The following CCDC112 variants were observed in gnomAD, a reference collection of about 807,000 sequenced individuals.
CCDC112 encodes coiled-coil domain containing 112.
In CCDC112, 40 loss-of-function variants were observed where a neutral mutation model predicts 66.3. That is an observed-to-expected ratio of 0.60 (90% CI 0.47 to 0.79). The LOEUF (loss-of-function observed/expected upper bound fraction) is 0.79. CCDC112 is among the 30% of genes least tolerant of loss of function. The pLI is 0.00. For missense variants in CCDC112, 659 were observed against 603.8 expected (o/e 1.09, Z -0.96); for synonymous variants, 214 against 197.2 (o/e 1.09, Z -0.71).
Position 115,279,754 on chromosome 5 carries a change from T to C in CCDC112, c.254A>G (p.Glu85Gly). ...EKFKNQVINM[E>G]KDKHSHFYNQ... is the part of the protein sequence containing the mutation. ...GTAGAAATGACTGTGTTTATCTTTT[T>C]CCATGTTAATTACTCTTTAGGAAAA... Residue 85 changes from glutamate to glycine, a missense_variant, in exon 3 of 10, where the codon GAA becomes GGA. Transcript: ENST00000379611. The C allele has an allele frequency of 6.7e-7, 1 of 1,498,616 alleles. No individual in the cohort carries two copies. The highest frequency in any genetic ancestry group is 9.3e-7 in the Non-Finnish European group (1 of 1,077,680). 92.8% of individuals were successfully genotyped at this position (1,498,616 alleles called of 1,614,324 possible). A position where few individuals can be genotyped will look rare whatever the true frequency, so the allele number is the denominator to read the frequency against.
chr5:115,272,766 G>A (rs1749060263), intron 6 of CCDC112, among the ~76,000 whole-genome samples: 1 of 151,870 alleles, frequency 6.6e-6, no homozygotes, highest in Admixed American at 6.6e-5. Flanking sequence ...AAATCTTTAT[G>A]GTATGTATAT....
At chr5:115,288,993 CTTT>C (rs34023512) in intron 1 of CCDC112, 260 of 250,372 alleles carry the variant, frequency 1.0e-3, no homozygotes, top group East Asian at 1.9e-3. Context: ...GATTGGCTTC[CTTT>C]TTTTTTTTTT....
At position 115,276,000 on chromosome 5, in the gene CCDC112, C is replaced by G; in HGVS notation, c.521G>C (p.Arg174Thr). The change falls in exon 5 of 10, where the codon AGG becomes ACG. Residue 174 changes from arginine to threonine, a missense_variant. Coordinates refer to ENST00000379611, the MANE Select transcript of CCDC112 (RefSeq NM_001040440.3). ...AAATGAGTTTAAAACATACATCAAC[C>G]TCTGCTCTTCTTTAAAAGTGTTAAT... ...NAINTFKEEQ[R>T]LIYEELIKEE... The G allele has an allele frequency of 6.3e-7, 1 of 1,592,394 alleles. No homozygotes were observed. Among genetic ancestry groups the G allele is most frequent in the South Asian group, 1.1e-5 (1 of 88,440 alleles).
intron 1 of CCDC112, among the ~76,000 whole-genome samples, chr5:115,288,201 G>A (rs367909206): frequency 7.6e-4 from 115 of 152,206 alleles, no homozygotes; most frequent in African/African-American, 2.6e-3. Flanking sequence ...GGCTGGTCTC[G>A]AACTCCTGAC....
At chr5:115,279,401 A>G (rs935385595) in intron 3 of CCDC112, among the ~76,000 whole-genome samples, 1 of 152,140 alleles carries the variant, frequency 6.6e-6, no homozygotes, top group Admixed American at 6.5e-5. Flanking sequence ...CTTTCTTGTT[A>G]TATTGGAAAA....
intron 6 of CCDC112, 147 bp downstream of exon 6, chr5:115,275,069 G>A: frequency 1.5e-6 from 1 of 666,956 alleles, no homozygotes; most frequent in South Asian, 2.3e-5. Context: ...CAATGCCTCA[G>A]TTTCATCTTC....
chr5:115,269,519 G>A, intron 8 of CCDC112, 184 bp downstream of exon 8: 2 of 535,602 alleles, frequency 3.7e-6, no homozygotes, highest in Non-Finnish European at 3.3e-6. Flanking sequence ...TAAAATGACA[G>A]AATTCAAATA....
intron 1 of CCDC112, among the ~76,000 whole-genome samples, chr5:115,285,648 A>G (rs1010934060): frequency 2.0e-5 from 3 of 152,146 alleles, no homozygotes; most frequent in African/African-American, 7.2e-5. Flanking sequence ...GATCATACAG[A>G]TATTTTAGGT....
Position 115,284,875 on chromosome 5 carries a change from G to A in CCDC112, c.151C>T (p.Arg51Cys), listed in dbSNP as rs779797634. Residue 51 changes from arginine to cysteine, a missense_variant, in exon 2 of 10, where the codon CGT (arginine) becomes TGT (cysteine). Coordinates refer to ENST00000379611, the MANE Select transcript of CCDC112 (RefSeq NM_001040440.3). ...DGCFSTSGGI[R>C]PFHLQNWKQK... ...TTCCAGTTCTGAAGATGAAAAGGAC[G>A]AATTCCACCTGAAGTACTAAAACAG... The A allele has an allele frequency of 2.0e-5, 33 of 1,612,324 alleles. No homozygotes were observed. The highest frequency in any genetic ancestry group is 1.1e-4 in the South Asian group (10 of 90,936).
chr5:115,296,220 T>G (rs1289865006), intron 1 of CCDC112: 17 of 1,280,356 alleles, frequency 1.3e-5, no homozygotes, highest in Non-Finnish European at 1.6e-5. Flanking sequence ...ACCCAGGTCT[T>G]CCTCGACTCC....
At chr5:115,270,222 A>G (rs1435225392) in intron 7 of CCDC112, among the ~76,000 whole-genome samples, 1 of 152,096 alleles carries the variant, frequency 6.6e-6, no homozygotes, top group Non-Finnish European at 1.5e-5. Flanking sequence ...AGATTTTTAT[A>G]TATGAACTAA....
chr5:115,287,612 C>A (rs552108782), intron 1 of CCDC112, among the ~76,000 whole-genome samples: 17 of 152,066 alleles, frequency 1.1e-4, no homozygotes, highest in Middle Eastern at 3.4e-3. Context: ...TCCAGTCAAC[C>A]TGAGCCCGAG....
chr5:115,296,149 G>T, intron 1 of CCDC112: 1 of 1,176,724 alleles, frequency 8.5e-7, no homozygotes, highest in Non-Finnish European at 1.1e-6. Flanking sequence ...AGAGAAGAAA[G>T]TGAGTCGCCG....
At chr5:115,270,073 A>G (rs1240960729) in intron 7 of CCDC112, among the ~76,000 whole-genome samples, 1 of 152,068 alleles carries the variant, frequency 6.6e-6, no homozygotes. Flanking sequence ...ATTTTCATTC[A>G]TCAATGCAGG....
Position 115,275,981 on chromosome 5 carries a change from G to A in CCDC112, c.527+13C>T. Reference sequence around the variant, plus strand: ...GGTCAATAATTTTATATTAAAATGAGTTTAAAACATACATCAACCTCTGCT... The same window carrying A: ...GGTCAATAATTTTATATTAAAATGAATTTAAAACATACATCAACCTCTGCT... On this transcript the variant is annotated intron_variant, in intron 5 of 9. Coordinates refer to ENST00000379611, the MANE Select transcript of CCDC112 (RefSeq NM_001040440.3). The A allele has an allele frequency of 6.5e-7, 1 of 1,547,340 alleles. No homozygotes were observed. Among genetic ancestry groups the A allele is most frequent in the Non-Finnish European group, 8.9e-7 (1 of 1,128,888 alleles).
At chr5:115,279,160 A>C (rs1476045654) in intron 3 of CCDC112, among the ~76,000 whole-genome samples, 1 of 152,184 alleles carries the variant, frequency 6.6e-6, no homozygotes, top group African/African-American at 2.4e-5. Flanking sequence ...TAGAAATGAC[A>C]AGTTTTAGAA....
At chr5:115,284,704 G>T in intron 2 of CCDC112, 83 bp downstream of exon 2, 2 of 1,077,470 alleles carry the variant, frequency 1.9e-6, no homozygotes, top group Non-Finnish European at 2.7e-6. Context: ...GTGAGCCTAG[G>T]TAGGGTAGAG....
intron 4 of CCDC112, among the ~76,000 whole-genome samples, chr5:115,276,439 G>A (rs538095869): frequency 6.6e-6 from 1 of 152,256 alleles, no homozygotes; most frequent in Non-Finnish European, 1.5e-5. Flanking sequence ...TCTCAGGAAT[G>A]AATATTACAG....
At chr5:115,296,341 G>A (rs1203238852) in intron 1 of CCDC112, 86 bp downstream of exon 1, 6 of 1,391,538 alleles carry the variant, frequency 4.3e-6, no homozygotes, top group Non-Finnish European at 5.6e-6. Flanking sequence ...CGCGCCTCCC[G>A]CCGGCGCTGC....
Sources: gnomAD v4.1 joint callset for allele counts (sites outside exome capture counted in the v4.1 genomes callset) on GRCh38, gnomAD v4.1.1 for gene constraint, MANE v1.5 for transcripts, NCBI Gene and HGNC (gene_info 2026-07-23, HGNC 2026-07-21) for gene names.